Variants in GALNT13 observed in about 807,000 individuals in gnomAD.
GALNT13 encodes the protein polypeptide N-acetylgalactosaminyltransferase 13, also known as UDP-GalNAc:polypeptide N-acetylgalactosaminyltransferase 13.
Under a neutral mutation model 64.2 loss-of-function variants are expected in GALNT13, and 28 were observed. The observed-to-expected ratio is 0.44, with a 90% CI of 0.32 to 0.60. The LOEUF is 0.60. Ranked by LOEUF, GALNT13 falls within the 20% of genes least tolerant of loss-of-function variation. GALNT13 has a pLI of 0.05. For synonymous variants in GALNT13, 214 were observed against 224.6 expected (o/e 0.95, Z 0.42); for missense variants, 577 against 669.8 (o/e 0.86, Z 1.53).
the GALNT13 span, among the ~76,000 whole-genome samples, chr2:153,608,941 G>A: frequency 7.1e-6 from 1 of 141,570 alleles, no homozygotes; most frequent in African/African-American, 2.6e-5. Context: ...TTTGGAGGTA[G>A]GGTCTTGCTC....
intron 3 of GALNT13, among the ~76,000 whole-genome samples, chr2:153,949,768 G>A (rs1692034695): frequency 6.6e-6 from 1 of 151,926 alleles, no homozygotes; most frequent in African/African-American, 2.4e-5. Flanking sequence ...ATTGTCCAAA[G>A]GAAGAGAATT....
chr2:153,593,948 T>G, the GALNT13 span, among the ~76,000 whole-genome samples: 3 of 152,156 alleles, frequency 2.0e-5, no homozygotes, highest in African/African-American at 4.8e-5. Context: ...TCTTTTTAAC[T>G]CAATAACTTG....
At chr2:153,719,158 A>C in the GALNT13 span, among the ~76,000 whole-genome samples, 36 of 152,270 alleles carry the variant, frequency 2.4e-4, no homozygotes, top group East Asian at 5.8e-3. Flanking sequence ...CCATCTGATC[A>C]ATAGTGGCTT....
the GALNT13 span, among the ~76,000 whole-genome samples, chr2:153,502,498 AT>A: frequency 6.6e-6 from 1 of 152,200 alleles, no homozygotes; most frequent in Non-Finnish European, 1.5e-5. Flanking sequence ...ATTGATGGGC[AT>A]TTGAGCTGGT....
chr2:154,438,477 A>T, intron 11 of GALNT13, 115 bp from the exon 12 acceptor site: 1 of 659,622 alleles, frequency 1.5e-6, no homozygotes. Context: ...ATAACATACC[A>T]GCAATCGTTT....
chr2:153,978,674 C>T (rs979026290), intron 3 of GALNT13, among the ~76,000 whole-genome samples: 16 of 152,180 alleles, frequency 1.1e-4, no homozygotes, highest in African/African-American at 3.9e-4. Flanking sequence ...CTTCCCCAGT[C>T]ATGTGGAACT....
At chr2:154,097,225 CA>C (rs1702120365) in intron 3 of GALNT13, among the ~76,000 whole-genome samples, 1 of 151,938 alleles carries the variant, frequency 6.6e-6, no homozygotes, top group South Asian at 2.1e-4. Flanking sequence ...AATGGAGAAA[CA>C]AAGACCAGGA....
At chr2:154,398,505 G>A (rs1240161007) in intron 10 of GALNT13, among the ~76,000 whole-genome samples, 1 of 132,384 alleles carries the variant, frequency 7.6e-6, no homozygotes, top group African/African-American at 3.1e-5. Context: ...TTTCAAATTA[G>A]CTATCTTCTA....
At chr2:154,258,185 A>G (rs1174222719) in intron 7 of GALNT13, among the ~76,000 whole-genome samples, 1 of 152,170 alleles carries the variant, frequency 6.6e-6, no homozygotes, top group Non-Finnish European at 1.5e-5. Flanking sequence ...TTATATGGAA[A>G]GACTTGTGTA....
In GALNT13 at chr2:154,424,658, G is replaced by C. The variant is rs144995573; in HGVS notation, c.1396-13934G>C. Among the ~76,000 whole-genome samples, 1,198 of 152,214 alleles carry C rather than the reference G, an allele frequency of 7.9e-3. 20 individuals carry two copies. Among genetic ancestry groups the C allele is most frequent in the African/African-American group, 0.027 (1,114 of 41,546 alleles). On this transcript the variant is annotated intron_variant, in intron 11 of 12. Coordinates refer to ENST00000392825, the MANE Select transcript of GALNT13 (RefSeq NM_052917.4). ...TATCTCAGCCCTGTCACTCTTTGAG[G>C]GACTGACTCCGACGTGCTTATTCTA...
At chr2:154,359,203 G>C (rs1324609565) in intron 9 of GALNT13, among the ~76,000 whole-genome samples, 1 of 152,074 alleles carries the variant, frequency 6.6e-6, no homozygotes, top group Admixed American at 6.6e-5. Context: ...TCTAAATGAG[G>C]TTGAAACTAG....
rs1023627144 is a variant in GALNT13 at position 154,450,323 on chromosome 2, A to G, written c.1531-88A>G. ...GTGTATTATACTATAAAAATCATAAAGGATTTTTTAAAGAACAGATTTTAT... is the reference window on the plus strand; with the variant it reads ...GTGTATTATACTATAAAAATCATAAGGGATTTTTTAAAGAACAGATTTTAT... On this transcript the variant is annotated intron_variant, in intron 12 of 12. Transcript: ENST00000392825. The G allele has an allele frequency of 6.6e-6, 8 of 1,205,036 alleles. No individual in the cohort carries two copies. The African/African-American group carries it at 1.1e-4, about 16-fold the overall frequency. 74.6% of individuals were successfully genotyped at this position (1,205,036 alleles called of 1,614,324 possible).
At chr2:153,150,790 C>T in the GALNT13 span, among the ~76,000 whole-genome samples, 13 of 151,934 alleles carry the variant, frequency 8.6e-5, no homozygotes, top group South Asian at 2.1e-4. Flanking sequence ...TGTAGATATG[C>T]GGCATTATTT....
At chr2:153,376,854 C>T in the GALNT13 span, among the ~76,000 whole-genome samples, 1 of 152,142 alleles carries the variant, frequency 6.6e-6, no homozygotes, top group Admixed American at 6.6e-5. Context: ...CATGGACATA[C>T]ATTAGGATCT....
intron 4 of GALNT13, among the ~76,000 whole-genome samples, chr2:154,167,005 A>G (rs1403946246): frequency 1.3e-5 from 2 of 152,240 alleles, no homozygotes; most frequent in African/African-American, 2.4e-5. Flanking sequence ...GAGGGATAGC[A>G]TTAGGAGATA....
At chr2:153,948,410 G>A (rs1440744785) in intron 3 of GALNT13, among the ~76,000 whole-genome samples, 1 of 152,044 alleles carries the variant, frequency 6.6e-6, no homozygotes, top group Non-Finnish European at 1.5e-5. Flanking sequence ...TGGTGGGAGT[G>A]TAAATTAGTT....
the GALNT13 span, among the ~76,000 whole-genome samples, chr2:153,190,242 T>A: frequency 6.6e-6 from 1 of 151,866 alleles, no homozygotes; most frequent in African/African-American, 2.4e-5. Flanking sequence ...TACATTTAAA[T>A]TTTTAAGTAA....
intron 10 of GALNT13, among the ~76,000 whole-genome samples, chr2:154,405,628 C>G (rs182448142): frequency 6.6e-6 from 1 of 151,324 alleles, no homozygotes; most frequent in Non-Finnish European, 1.5e-5. Flanking sequence ...ATGGTGGGCA[C>G]CTGTAATCCC....
the GALNT13 span, among the ~76,000 whole-genome samples, chr2:153,437,623 G>C: frequency 1.3e-5 from 2 of 152,108 alleles, no homozygotes; most frequent in Admixed American, 1.3e-4. Context: ...TTTAAAGTCT[G>C]TTTTATCAGA....
Sources: gnomAD v4.1 joint callset for allele counts (sites outside exome capture counted in the v4.1 genomes callset) on GRCh38, gnomAD v4.1.1 for gene constraint, MANE v1.5 for transcripts, NCBI Gene and HGNC (gene_info 2026-07-23, HGNC 2026-07-21) for gene names.